Variants in SMARCA2 observed in about 807,000 individuals in gnomAD.
SMARCA2 encodes the protein SWI/SNF-related matrix-associated actin-dependent regulator of chromatin subfamily A member 2.
SMARCA2 carries 61 observed loss-of-function variants against 199.8 expected under a neutral mutation model. The ratio of observed to expected loss-of-function variants is 0.31; its 90% CI spans 0.25 to 0.38. SMARCA2 has a LOEUF of 0.38. SMARCA2 is among the 10% of genes least tolerant of loss of function. The pLI is 1.00. For synonymous variants in SMARCA2, 935 were observed against 732.0 expected (o/e 1.28, Z -4.48); for missense variants, 1,344 against 2,012.2 (o/e 0.67, Z 6.35).
Position 2,096,729 on chromosome 9 carries a change from A to G in SMARCA2, c.2956A>G (p.Ile986Val). ...GTATCGCCATATGCAAGCCAAGGGG[A>G]TCCTTCTCACAGATGGTTCTGAGAA... is the stretch of plus-strand genomic sequence containing the variant. ...ILYRHMQAKG[I>V]LLTDGSEKDK... Residue 986 changes from isoleucine (I) to valine (V), a missense_variant, in exon 20 of 34, where the codon ATC (isoleucine) becomes GTC (valine). This residue lies in a region of SMARCA2 where 98 missense variants were observed against 245.6 expected (regional missense o/e 0.40). Coordinates refer to ENST00000349721, the MANE Select transcript of SMARCA2 (RefSeq NM_003070.5). The G allele has an allele frequency of 1.9e-6, 3 of 1,613,490 alleles. No homozygotes were observed. The highest frequency in any genetic ancestry group is 1.7e-6 in the Non-Finnish European group (2 of 1,179,410).
chr9:2,180,877 T>C (rs1264478696), intron 29 of SMARCA2, among the ~76,000 whole-genome samples: 1 of 152,190 alleles, frequency 6.6e-6, no homozygotes, highest in Non-Finnish European at 1.5e-5. Flanking sequence ...CCCAGAAATG[T>C]GAAGCATCCA....
rs573492962 is a variant in SMARCA2, at chr9:2,111,193, A to G, written c.3456+776A>G. On this transcript the variant is annotated intron_variant, in intron 24 of 33. Transcript: ENST00000349721. The stretch of plus-strand genomic sequence containing the variant: ...CTGGAGCAAATGTTGAATTCAAAAC[A>G]GTAAAAATGAAGAGCAGGTGTGGTG... Among the ~76,000 whole-genome samples the G allele has an allele frequency of 3.9e-5, 6 of 152,230 alleles. No homozygotes were observed. The East Asian group carries it at 1.2e-3, about 29-fold the overall frequency.
chr9:2,181,743 G>C, intron 30 of SMARCA2, 67 bp downstream of exon 30: 1 of 878,548 alleles, frequency 1.1e-6, no homozygotes, highest in South Asian at 1.4e-5. Flanking sequence ...TCATTGAAAT[G>C]GTTGTAGTTG....
chr9:2,181,461 A>G (rs941254056), intron 29 of SMARCA2, 110 bp from the exon 30 acceptor site: 10 of 666,630 alleles, frequency 1.5e-5, no homozygotes, highest in African/African-American at 7.3e-5. Flanking sequence ...CTCCATATCT[A>G]TATGCGTGGA....
At chr9:2,141,897 G>A (rs62534953) in intron 27 of SMARCA2, among the ~76,000 whole-genome samples, 4,717 of 152,238 alleles carry the variant, frequency 0.031, 137 homozygotes, top group African/African-American at 0.072. Flanking sequence ...GCAGGAGCGC[G>A]TCAGATCAGC....
chr9:2,119,404 TTG>T lies in SMARCA2; in HGVS notation c.3685-52_3685-51del. 8.3e-7 allele frequency: 1 copy of T among 1,207,608 alleles called. No homozygotes were observed. 74.8% of individuals were successfully genotyped at this position (1,207,608 alleles called of 1,614,324 possible). A position where few individuals can be genotyped will look rare whatever the true frequency, so the allele number is the denominator to read the frequency against. On this transcript the variant is annotated intron_variant, in intron 25 of 33. Coordinates refer to ENST00000349721, the MANE Select transcript of SMARCA2 (RefSeq NM_003070.5). This position sits in a 1 kb window ranked among gnomAD's most constrained non-coding sequence, Gnocchi z 4.6. ...TCTGGAGGACAGATCACTTACTTGTTTGTACCTTGCCCCAGCTGTCCACTGGT... is the reference window on the plus strand; with the variant it reads ...TCTGGAGGACAGATCACTTACTTGTTTACCTTGCCCCAGCTGTCCACTGGT...
chr9:2,178,656 T>C (rs535827707), intron 29 of SMARCA2, among the ~76,000 whole-genome samples: 31 of 152,114 alleles, frequency 2.0e-4, no homozygotes, highest in Non-Finnish European at 3.5e-4. Context: ...TCAGCTCAAA[T>C]TAGAGAAAGA....
At chr9:2,077,230 T>C (rs1821368534) in intron 13 of SMARCA2, among the ~76,000 whole-genome samples, 1 of 152,172 alleles carries the variant, frequency 6.6e-6, no homozygotes, top group Non-Finnish European at 1.5e-5. Flanking sequence ...GTTCTGTGAA[T>C]AGGATTTATC....
intron 9 of SMARCA2, among the ~76,000 whole-genome samples, chr9:2,061,226 T>G (rs1298044035): frequency 6.6e-6 from 1 of 152,310 alleles, no homozygotes; most frequent in Non-Finnish European, 1.5e-5. Flanking sequence ...TCATAAATCA[T>G]TGTTTAATAG....
intron 5 of SMARCA2, among the ~76,000 whole-genome samples, chr9:2,048,211 C>T (rs1353109113): frequency 6.6e-6 from 1 of 152,098 alleles, no homozygotes; most frequent in Non-Finnish European, 1.5e-5. Context: ...TACGAGACCC[C>T]TGATGTAAAT....
At position 2,104,281 on chromosome 9, in the gene SMARCA2, A is replaced by G. The variant is rs911504712; in HGVS notation, c.3292+112A>G. ...AAGGGGTAAAATTGAAGAATTGACT[A>G]GAAGCATTGGGAGCAGTTTTTCTAG... On this transcript the variant is annotated intron_variant, in intron 23 of 33. Transcript: ENST00000349721. This position sits in a 1 kb window ranked among gnomAD's most constrained non-coding sequence, Gnocchi z 4.0. The G allele has an allele frequency of 8.0e-6, 8 of 1,001,450 alleles. No individual in the cohort carries two copies. In the African/African-American group the frequency reaches 9.8e-5, roughly 12 times the overall value. 62.0% of individuals were successfully genotyped at this position (1,001,450 alleles called of 1,614,324 possible). A position where few individuals can be genotyped will look rare whatever the true frequency, so the allele number is the denominator to read the frequency against.
chr9:2,018,247 T>A (rs1394724429), intron 1 of SMARCA2, among the ~76,000 whole-genome samples: 2 of 152,248 alleles, frequency 1.3e-5, no homozygotes, highest in Non-Finnish European at 2.9e-5. Context: ...TTATTCAATG[T>A]CTGCACCGGG....
intron 29 of SMARCA2, among the ~76,000 whole-genome samples, chr9:2,175,899 G>C (rs913400013): frequency 6.6e-6 from 1 of 150,412 alleles, no homozygotes; most frequent in Non-Finnish European, 1.5e-5. Context: ...TGTTTTTTGA[G>C]ATGAAGTTTC....
intron 28 of SMARCA2, chr9:2,162,829 C>T (rs1825750188): frequency 6.6e-6 from 1 of 152,134 alleles, no homozygotes; most frequent in East Asian, 1.9e-4. Flanking sequence ...GAAGCAAGCT[C>T]CTCTTCTAGC....
rs1475058496 is a variant in SMARCA2 at position 2,097,474 on chromosome 9, A to G, written c.3078+3A>G. 1 of 1,579,612 alleles carries G rather than the reference A, an allele frequency of 6.3e-7. No individual in the cohort carries two copies. Among genetic ancestry groups the G allele is most frequent in the Non-Finnish European group, 8.7e-7 (1 of 1,149,094 alleles). On this transcript the variant is annotated splice_donor_region_variant and intron_variant, in intron 21 of 33. Coordinates refer to ENST00000349721, the MANE Select transcript of SMARCA2 (RefSeq NM_003070.5). The stretch of plus-strand genomic sequence containing the variant: ...CATATATGTTTCAGCACATTGAGGT[A>G]AGTCTGTATTGTGTGTTTTGAGCCT...
chr9:2,047,294 C>T lies in SMARCA2; in HGVS notation c.856C>T (p.Arg286Trp). 2 of 988,318 alleles carry T rather than the reference C, an allele frequency of 2.0e-6. No homozygotes were observed. Among genetic ancestry groups the T allele is most frequent in the South Asian group, 4.6e-5 (1 of 21,874 alleles). 61.2% of individuals were successfully genotyped at this position (988,318 alleles called of 1,614,324 possible). Reference sequence around the variant, plus strand: ...GCTGCCGGTGCCCGCGCCCGGCGGCCGGCCCTCGCCCGCGCCCCCCGCAGC... The same window carrying T: ...GCTGCCGGTGCCCGCGCCCGGCGGCTGGCCCTCGCCCGCGCCCCCCGCAGC... ...QKLPVPAPGG[R>W]PSPAPPAAAQ... Residue 286 changes from arginine (R) to tryptophan (W), a missense_variant, in exon 5 of 34, where the codon CGG becomes TGG. By Grantham distance (101) the Arg-to-Trp change is moderately radical. This residue lies in a region of SMARCA2 where 117 missense variants were observed against 99.1 expected (regional missense o/e 1.18). Transcript: ENST00000349721.
intron 9 of SMARCA2, among the ~76,000 whole-genome samples, chr9:2,069,990 T>C (rs1005380255): frequency 6.6e-5 from 10 of 152,186 alleles, no homozygotes; most frequent in Admixed American, 2.6e-4. Context: ...GAGCTTATTC[T>C]TGATGGACAG....
At chr9:2,151,721 A>G (rs1825090710) in intron 27 of SMARCA2, among the ~76,000 whole-genome samples, 1 of 152,124 alleles carries the variant, frequency 6.6e-6, no homozygotes, top group African/African-American at 2.4e-5. Flanking sequence ...TGACAGAGCA[A>G]GACTTCGTAT....
intron 23 of SMARCA2, among the ~76,000 whole-genome samples, chr9:2,106,877 T>G (rs1363648086): frequency 1.3e-5 from 2 of 152,270 alleles, no homozygotes; most frequent in Non-Finnish European, 2.9e-5. Flanking sequence ...TTAGTCATCA[T>G]GAAAGTCTGA....
Sources: gnomAD v4.1 joint callset for allele counts (sites outside exome capture counted in the v4.1 genomes callset) on GRCh38, gnomAD v4.1.1 for gene constraint, gnomAD v4.1.1 regional missense constraint, Gnocchi (gnomAD v3.1) non-coding constraint, MANE v1.5 for transcripts, NCBI Gene and HGNC (gene_info 2026-07-23, HGNC 2026-07-21) for gene names.